The following CLK3 variants were observed in gnomAD, a reference collection of about 807,000 sequenced individuals.
The protein encoded by CLK3 is dual specificity protein kinase CLK3.
A neutral mutation model predicts 65.2 loss-of-function variants in CLK3; 24 were observed. The observed-to-expected ratio is 0.37, with a 90% CI of 0.27 to 0.52. The LOEUF (loss-of-function observed/expected upper bound fraction) is 0.52, where lower values mean the gene tolerates loss of function less well. Ranked by LOEUF, CLK3 falls within the 20% of genes least tolerant of loss-of-function variation. The probability of loss-of-function intolerance (pLI) is 0.92; values close to 1 mark genes in which losing one functional copy is unlikely to be tolerated. For missense variants in CLK3, 506 were observed against 660.0 expected (o/e 0.77, Z 2.56); for synonymous variants, 252 against 240.8 (o/e 1.05, Z -0.43).
Position 74,620,244 on chromosome 15 carries a change from G to A in CLK3, c.369+19G>A, listed in dbSNP as rs1567142839. 5 of 1,613,228 alleles carry A rather than the reference G, an allele frequency of 3.1e-6. No homozygotes were observed. Among genetic ancestry groups the A allele is most frequent in the East Asian group, 4.5e-5 (2 of 44,866 alleles). On this transcript the variant is annotated intron_variant, in intron 3 of 12. Coordinates refer to ENST00000395066, the MANE Select transcript of CLK3 (RefSeq NM_001130028.2). Reference sequence around the variant, plus strand: ...CTCCTCGGTGAGTGGTAGCCAGAGTGTGCTGGCTGGGGCTTAAAGGCCTCA... The same window carrying A: ...CTCCTCGGTGAGTGGTAGCCAGAGTATGCTGGCTGGGGCTTAAAGGCCTCA...
In CLK3 at chr15:74,624,957, GCTGCCCGGCTAGA is replaced by G; in HGVS notation, c.590_602del (p.Ala197GlufsTer21). 6.2e-7 allele frequency: 1 copy of G among 1,613,028 alleles called. No homozygotes were observed. Among genetic ancestry groups the G allele is most frequent in the Non-Finnish European group, 8.5e-7 (1 of 1,179,600 alleles). ...CCGCAACGTGGGCAAGTACCGGGAG[GCTGCCCGGCTAGA>G]AATCAACGTGCTCAAAAAAATCAAG... On this transcript the variant is annotated frameshift_variant, in exon 6 of 13. Transcript: ENST00000395066. LOFTEE classifies it high-confidence loss of function. This position sits in a 1 kb window ranked among gnomAD's most constrained non-coding sequence, Gnocchi z 4.2.
chr15:74,625,665 T>C, intron 6 of CLK3, 137 bp from the exon 7 acceptor site: 1 of 849,084 alleles, frequency 1.2e-6, no homozygotes, highest in Non-Finnish European at 1.9e-6. Context: ...CTCTGATTTC[T>C]CTTGCACTGT....
intron 1 of CLK3, among the ~76,000 whole-genome samples, chr15:74,618,903 T>C (rs1329840408): frequency 6.6e-6 from 1 of 152,254 alleles, no homozygotes; most frequent in Non-Finnish European, 1.5e-5. Flanking sequence ...CCAGGGTTAC[T>C]GCCTCAGCCC....
Position 74,627,814 on chromosome 15 carries a change from T to A in CLK3, c.1042+146T>A, listed in dbSNP as rs887296374. 1.7e-5 allele frequency: 22 copies of A among 1,275,644 alleles called. No homozygotes were observed. The African/African-American group carries it at 3.2e-4, about 19-fold the overall frequency. 79.0% of individuals were successfully genotyped at this position (1,275,644 alleles called of 1,614,324 possible). On this transcript the variant is annotated intron_variant, in intron 9 of 12. Transcript: ENST00000395066. The surrounding 1 kb of genome is among the most constrained non-coding windows in gnomAD (Gnocchi z 4.3). ...AGGGGCCAGTGTCATGAGACACAGG[T>A]GACTGACCTGGCTTTATCTGTCAGC...
chr15:74,627,744 C>T lies in CLK3; in HGVS notation c.1042+76C>T. The T allele has an allele frequency of 6.3e-7, 1 of 1,586,616 alleles. No individual in the cohort carries two copies. The highest frequency in any genetic ancestry group is 1.1e-5 in the South Asian group (1 of 89,472). ...GGGTATGAGCAGAGGCAGTGGCATGCCTGTCATTCTCTGCCACCCAGGGCA... is the reference window on the plus strand; with the variant it reads ...GGGTATGAGCAGAGGCAGTGGCATGTCTGTCATTCTCTGCCACCCAGGGCA... On this transcript the variant is annotated intron_variant, in intron 9 of 12. Transcript: ENST00000395066. The surrounding 1 kb of genome is among the most constrained non-coding windows in gnomAD (Gnocchi z 4.3).
Position 74,622,507 on chromosome 15 carries a change from G to T in CLK3, c.480G>T (p.Gly160=). ...TTTCTCTCCTAGATGAGATTGTGGG[G>T]AACCTGGGTGAAGGCACCTTTGGCA... ...DWLQERYEIV[G]NLGEGTFGKV... The change falls in exon 5 of 13, where the codon GGG becomes GGT. Residue 160 remains glycine, a synonymous_variant. Transcript: ENST00000395066. This position sits in a 1 kb window ranked among gnomAD's most constrained non-coding sequence, Gnocchi z 4.6. 1 of 1,613,086 alleles carries T rather than the reference G, an allele frequency of 6.2e-7. No individual in the cohort carries two copies. Among genetic ancestry groups the T allele is most frequent in the South Asian group, 1.1e-5 (1 of 90,910 alleles).
At chr15:74,625,179 C>G (rs367587590) in intron 6 of CLK3, among the ~76,000 whole-genome samples, 161 bp downstream of exon 6, 3 of 152,132 alleles carry the variant, frequency 2.0e-5, no homozygotes, top group African/African-American at 7.2e-5. Context: ...GACTGCAGTC[C>G]AGTCTTCACC....
chr15:74,625,162 G>A, intron 6 of CLK3, 144 bp downstream of exon 6: 1 of 649,326 alleles, frequency 1.5e-6, no homozygotes, highest in Non-Finnish European at 2.8e-6. Flanking sequence ...CTTGCTGGAA[G>A]CCTTTAGACT....
intron 2 of CLK3, among the ~76,000 whole-genome samples, chr15:74,619,770 C>A (rs1207280783): frequency 1.3e-5 from 2 of 152,172 alleles, no homozygotes; most frequent in Admixed American, 1.3e-4. Flanking sequence ...GGCACTCTAC[C>A]ATACTCCCCT....
Position 74,624,689 on chromosome 15 carries a change from T to G in CLK3, c.534-213T>G. On this transcript the variant is annotated intron_variant, in intron 5 of 12. Coordinates refer to ENST00000395066, the MANE Select transcript of CLK3 (RefSeq NM_001130028.2). The surrounding 1 kb of genome is among the most constrained non-coding windows in gnomAD (Gnocchi z 4.2). ...AAAAGCCTAAGGATGGCAAGGATGC[T>G]AAGAGCATTAACTCACAGATCTCAG... The G allele has an allele frequency of 1.7e-6, 1 of 594,258 alleles. No homozygotes were observed. The highest frequency in any genetic ancestry group is 3.0e-6 in the Non-Finnish European group (1 of 330,442). The allele number at this position is 594,258 out of a possible 1,614,324, so 36.8% of individuals were successfully genotyped here.
intron 3 of CLK3, chr15:74,620,432 G>A: frequency 2.9e-6 from 2 of 693,494 alleles, no homozygotes; most frequent in Non-Finnish European, 2.4e-6. Context: ...CTTTCCAGTG[G>A]CAACTGTAGG....
chr15:74,629,113 C>A, intron 12 of CLK3, 81 bp downstream of exon 12: 2 of 1,097,750 alleles, frequency 1.8e-6, no homozygotes, highest in Non-Finnish European at 2.8e-6. Context: ...AGAGACAGGC[C>A]AGGCCGCTAA....
chr15:74,616,229 C>T (rs1038950150), intron 1 of CLK3, among the ~76,000 whole-genome samples: 2 of 152,250 alleles, frequency 1.3e-5, no homozygotes, highest in Non-Finnish European at 2.9e-5. Flanking sequence ...TCAGACCCCT[C>T]CCCTACCCCT....
intron 1 of CLK3, 121 bp downstream of exon 1, chr15:74,616,019 C>A: frequency 2.5e-6 from 2 of 806,938 alleles, no homozygotes; most frequent in Non-Finnish European, 3.3e-6. Flanking sequence ...TCCTCTTCGG[C>A]CCATATCGGG....
intron 7 of CLK3, 25 bp downstream of exon 7, chr15:74,625,993 C>T (rs762590707): frequency 5.6e-6 from 9 of 1,611,520 alleles, no homozygotes; most frequent in Non-Finnish European, 5.9e-6. Flanking sequence ...TCAAAAGAAG[C>T]ATGGGCAGCC....
chr15:74,625,261 T>C (rs908028107), intron 6 of CLK3, among the ~76,000 whole-genome samples: 7 of 152,188 alleles, frequency 4.6e-5, no homozygotes, highest in Non-Finnish European at 7.3e-5. Flanking sequence ...CACTGGGTTA[T>C]GCTGGGCATA....
At chr15:74,617,001 A>G (rs1337829363) in intron 1 of CLK3, among the ~76,000 whole-genome samples, 1 of 152,200 alleles carries the variant, frequency 6.6e-6, no homozygotes, top group African/African-American at 2.4e-5. Context: ...AATCAGAGAT[A>G]ATTGAGAAAT....
rs759132116 is a variant in CLK3 at position 74,625,814 on chromosome 15, G to C, written c.663G>C (p.Leu221Phe). 1 of 1,614,170 alleles carries C rather than the reference G, an allele frequency of 6.2e-7. No homozygotes were observed. Among genetic ancestry groups the C allele is most frequent in the South Asian group, 1.1e-5 (1 of 91,090 alleles). The change falls in exon 7 of 13, where the codon TTG becomes TTC. Residue 221 changes from leucine (L) to phenylalanine (F), a missense_variant. Around this residue, in one of 2 missense-constraint regions of CLK3, gnomAD observed 325 missense variants for 500.5 expected, o/e 0.65. Coordinates refer to ENST00000395066, the MANE Select transcript of CLK3 (RefSeq NM_001130028.2). ...CCTCCTCCTCCAGCCTGTGTGTCTT[G>C]ATGTCTGACTGGTTCAACTTCCACG... ...KDKENKFLCV[L>F]MSDWFNFHGH...
chr15:74,626,931 C>T (rs909656479), intron 7 of CLK3: 11 of 454,478 alleles, frequency 2.4e-5, no homozygotes, highest in African/African-American at 1.8e-4. Context: ...GTCCTTTTGC[C>T]ACCACCTTAA....
Sources: allele counts gnomAD v4.1 joint callset (sites outside exome capture counted in the v4.1 genomes callset), GRCh38; gene constraint gnomAD v4.1.1; regional missense constraint gnomAD v4.1.1; non-coding constraint Gnocchi (gnomAD v3.1); transcripts MANE v1.5; gene names NCBI Gene and HGNC (gene_info 2026-07-23, HGNC 2026-07-21).